Variants in TYW1B observed in about 807,000 individuals in gnomAD.
TYW1B encodes the protein tRNA-yW synthesizing protein 1 homolog B.
In TYW1B, 73 loss-of-function variants were observed where a neutral mutation model predicts 86.9. That is an observed-to-expected ratio of 0.84 (90% confidence interval 0.70 to 1.02). The LOEUF is 1.02. Ranked by LOEUF, TYW1B falls within the 50% of genes least tolerant of loss-of-function variation. The probability of loss-of-function intolerance (pLI) is 0.00; values close to 1 mark genes in which losing one functional copy is unlikely to be tolerated. For missense variants in TYW1B, 637 were observed against 827.4 expected, an observed-to-expected ratio of 0.77 and a Z score of 2.82; for synonymous variants, 248 against 292.8, an observed-to-expected ratio of 0.85 and a Z score of 1.56.
At chr7:72,780,514 G>A (rs188675951) in intron 6 of TYW1B, among the ~76,000 whole-genome samples, 36 of 152,254 alleles carry the variant, frequency 2.4e-4, no homozygotes, top group African/African-American at 6.3e-4. Context: ...CCATGACACT[G>A]GCCTCTGACC....
chr7:72,746,239 TA>T lies in TYW1B; in HGVS notation c.965-1639del, dbSNP rs371908119. 1.3e-4 allele frequency among the ~76,000 whole-genome samples: 19 copies of T among 149,056 alleles called. No homozygotes were observed. In the East Asian group the frequency reaches 2.7e-3, roughly 21 times the overall value. ...CTTTTAACTATTTTTTGTTCTAATT[TA>T]AAAAAAAAAGTTTCCCTGTCCATCT... On this transcript the variant is annotated intron_variant, in intron 7 of 13. Coordinates refer to ENST00000620995, the MANE Select transcript of TYW1B (RefSeq NM_001145440.3).
At chr7:72,762,653 G>T (rs1787703929) in intron 7 of TYW1B, among the ~76,000 whole-genome samples, 1 of 151,868 alleles carries the variant, frequency 6.6e-6, no homozygotes, top group South Asian at 2.1e-4. Context: ...AGGTACTAGG[G>T]TGTTTTTTGT....
chr7:72,794,071 G>A (rs1439605096), intron 6 of TYW1B, among the ~76,000 whole-genome samples: 1 of 152,190 alleles, frequency 6.6e-6, no homozygotes, highest in Non-Finnish European at 1.5e-5. Context: ...TAGCAAGTGA[G>A]CACTGCTGCT....
chr7:72,625,411 G>A (rs1361607550), intron 12 of TYW1B, among the ~76,000 whole-genome samples: 3 of 152,138 alleles, frequency 2.0e-5, no homozygotes, highest in Non-Finnish European at 2.9e-5. Flanking sequence ...TTGAGGCCAG[G>A]AGTTCAAGAC....
chr7:72,669,705 G>A (rs1813549511), intron 11 of TYW1B, among the ~76,000 whole-genome samples: 1 of 152,024 alleles, frequency 6.6e-6, no homozygotes, highest in South Asian at 2.1e-4. Flanking sequence ...GGGAGGCAGA[G>A]ACTTCAGTGA....
intron 11 of TYW1B, among the ~76,000 whole-genome samples, chr7:72,678,831 G>A (rs1205159468): frequency 2.6e-5 from 4 of 151,938 alleles, no homozygotes; most frequent in Non-Finnish European, 4.4e-5. Flanking sequence ...ATAAGCCAAC[G>A]TGCCCGGACA....
At chr7:72,809,541 TA>T (rs1159164307) in intron 4 of TYW1B, among the ~76,000 whole-genome samples, 4 of 152,030 alleles carry the variant, frequency 2.6e-5, no homozygotes, top group African/African-American at 9.7e-5. Context: ...TAGTTCCAGC[TA>T]CTAGGGAGGC....
At chr7:72,763,093 T>A (rs568123660) in intron 7 of TYW1B, among the ~76,000 whole-genome samples, 136 of 152,124 alleles carry the variant, frequency 8.9e-4, no homozygotes, top group South Asian at 1.9e-3. Context: ...CCTAAATGGG[T>A]TTCCCATAAA....
chr7:72,703,467 T>C (rs1478667784), intron 10 of TYW1B, among the ~76,000 whole-genome samples: 6 of 152,322 alleles, frequency 3.9e-5, no homozygotes, highest in African/African-American at 1.4e-4. Context: ...TATCATGCTC[T>C]ATACAATTTC....
intron 10 of TYW1B, among the ~76,000 whole-genome samples, chr7:72,708,000 C>T (rs1814652877): frequency 6.6e-6 from 1 of 152,196 alleles, no homozygotes; most frequent in Non-Finnish European, 1.5e-5. Flanking sequence ...TTGCCTTCCG[C>T]CATGATTGTA....
chr7:72,707,162 G>A (rs1199345772), intron 10 of TYW1B, among the ~76,000 whole-genome samples: 7 of 152,196 alleles, frequency 4.6e-5, no homozygotes, highest in African/African-American at 9.6e-5. Flanking sequence ...TTGAAGCTCC[G>A]CTGTGTGACT....
intron 11 of TYW1B, among the ~76,000 whole-genome samples, chr7:72,641,824 A>C (rs548048575): frequency 1.4e-4 from 21 of 152,290 alleles, no homozygotes; most frequent in African/African-American, 4.1e-4. Context: ...TACCTCAATA[A>C]AAAATTTTAA....
intron 7 of TYW1B, among the ~76,000 whole-genome samples, chr7:72,760,515 T>G (rs1387570573): frequency 2.0e-5 from 3 of 152,198 alleles, no homozygotes; most frequent in Non-Finnish European, 4.4e-5. Context: ...GTGTGCATAT[T>G]TATGTGTTTA....
chr7:72,627,503 AACATAACAT>A lies in TYW1B; in HGVS notation c.1617+1375_1617+1383del, dbSNP rs1442163008. ...AACATAACATAACATAACATAACAT[AACATAACAT>A]AAATAAAATAAAATAAAATAAAATG... On this transcript the variant is annotated intron_variant, in intron 12 of 13. Coordinates refer to ENST00000620995, the MANE Select transcript of TYW1B (RefSeq NM_001145440.3). Among the ~76,000 whole-genome samples, 381 of 150,224 alleles carry A rather than the reference AACATAACAT, an allele frequency of 2.5e-3. 1 individual carries two copies. In the Middle Eastern group the frequency reaches 0.034, roughly 13 times the overall value.
intron 11 of TYW1B, among the ~76,000 whole-genome samples, chr7:72,632,393 T>TATAAGC (rs1314850784): frequency 9.7e-6 from 1 of 102,632 alleles, no homozygotes; most frequent in Non-Finnish European, 1.8e-5. Flanking sequence ...TATACGTATA[T>TATAAGC]ATATATAATA....
At chr7:72,747,325 A>T (rs1422175197) in intron 7 of TYW1B, among the ~76,000 whole-genome samples, 1 of 152,120 alleles carries the variant, frequency 6.6e-6, no homozygotes, top group Non-Finnish European at 1.5e-5. Context: ...TGTAAAAAGT[A>T]CCTTTTGCCT....
At chr7:72,728,135 T>C (rs1464285939) in intron 9 of TYW1B, among the ~76,000 whole-genome samples, 1 of 152,172 alleles carries the variant, frequency 6.6e-6, no homozygotes, top group Admixed American at 6.6e-5. Context: ...TTTCCATCAC[T>C]AACTAACATT....
chr7:72,642,015 A>C (rs1438536227), intron 11 of TYW1B, among the ~76,000 whole-genome samples: 43 of 152,232 alleles, frequency 2.8e-4, no homozygotes, highest in Admixed American at 2.7e-3. Context: ...TGGTACCACC[A>C]TAAGGATAAA....
At chr7:72,608,940 G>A (rs1472257807) in intron 13 of TYW1B, among the ~76,000 whole-genome samples, 1 of 152,172 alleles carries the variant, frequency 6.6e-6, no homozygotes, top group Non-Finnish European at 1.5e-5. Context: ...ACACAAAACG[G>A]CACAGAACTA....
Sources: allele counts gnomAD v4.1 joint callset (sites outside exome capture counted in the v4.1 genomes callset), GRCh38; gene constraint gnomAD v4.1.1; transcripts MANE v1.5; gene names NCBI Gene and HGNC (gene_info 2026-07-23, HGNC 2026-07-21).